DGKB: variants seen among roughly 807,000 people sequenced by gnomAD.
DGKB encodes diacylglycerol kinase beta.
Under a neutral mutation model 114.3 loss-of-function variants are expected in DGKB, and 67 were observed. The observed-to-expected ratio is 0.59, with a 90% CI of 0.48 to 0.72. The LOEUF is 0.72. Among genes scored for constraint, DGKB ranks in the 30% least tolerant of loss-of-function variants. DGKB has a pLI of 0.00. For synonymous variants in DGKB, 398 were observed against 323.1 expected (o/e 1.23, Z -2.49); for missense variants, 907 against 975.2 (o/e 0.93, Z 0.93).
intron 23 of DGKB, among the ~76,000 whole-genome samples, chr7:14,283,389 C>A (rs2128459079): frequency 6.6e-6 from 1 of 151,542 alleles, no homozygotes; most frequent in Middle Eastern, 3.4e-3. Flanking sequence ...GAAGAACATT[C>A]CATGCTCATG....
chr7:14,588,705 A>T (rs553518218), intron 17 of DGKB, among the ~76,000 whole-genome samples: 1 of 152,192 alleles, frequency 6.6e-6, no homozygotes, highest in South Asian at 2.1e-4. Context: ...AGTCCATGAT[A>T]AGTATTATTT....
chr7:14,704,642 T>C (rs1006510691), intron 6 of DGKB, among the ~76,000 whole-genome samples: 1 of 151,952 alleles, frequency 6.6e-6, no homozygotes, highest in African/African-American at 2.4e-5. Context: ...AGACTGCCTC[T>C]TCAAGTGGGT....
intron 1 of DGKB, among the ~76,000 whole-genome samples, chr7:14,955,209 G>A (rs1453764933): frequency 1.3e-5 from 2 of 151,972 alleles, no homozygotes; most frequent in Admixed American, 1.3e-4. Flanking sequence ...CAAATCTAAT[G>A]AAAAATTTAG....
chr7:14,185,638 C>G (rs1017878179), intron 23 of DGKB, among the ~76,000 whole-genome samples: 4 of 152,138 alleles, frequency 2.6e-5, no homozygotes, highest in African/African-American at 9.7e-5. Context: ...CCATAGTCAC[C>G]AAAACAGAAT....
chr7:14,923,098 T>C (rs998383979), intron 1 of DGKB, among the ~76,000 whole-genome samples: 1 of 152,218 alleles, frequency 6.6e-6, no homozygotes, highest in Admixed American at 6.5e-5. Flanking sequence ...GTACACAGTT[T>C]GAAGTTTTAT....
chr7:14,494,865 TAGTCCTACTAATATATAC>T (rs1785080377), intron 20 of DGKB, among the ~76,000 whole-genome samples: 1 of 151,914 alleles, frequency 6.6e-6, no homozygotes, highest in Non-Finnish European at 1.5e-5. Context: ...GACCAGTATC[TAGTCCTACTAATATATAC>T]AATCCACGTG....
chr7:14,567,064 C>A, intron 20 of DGKB, among the ~76,000 whole-genome samples: 1 of 120,162 alleles, frequency 8.3e-6, no homozygotes, highest in East Asian at 2.7e-4. Context: ...ATGAGATGAC[C>A]TGTATATATA....
intron 1 of DGKB, among the ~76,000 whole-genome samples, chr7:14,860,061 C>G (rs905492435): frequency 6.6e-6 from 1 of 152,050 alleles, no homozygotes; most frequent in Non-Finnish European, 1.5e-5. Flanking sequence ...AAAACAGTTT[C>G]TTTAAGCACT....
intron 23 of DGKB, among the ~76,000 whole-genome samples, chr7:14,280,643 C>T (rs1799796176): frequency 6.6e-6 from 1 of 151,406 alleles, no homozygotes; most frequent in East Asian, 2.0e-4. Context: ...GGAAGCCCAT[C>T]AGACTAACAG....
chr7:14,852,486 T>TCAAAAAAAAAAAAAAAA (rs948693044), intron 1 of DGKB, among the ~76,000 whole-genome samples: 3 of 7,778 alleles, frequency 3.9e-4, no homozygotes, highest in African/African-American at 9.6e-4. Context: ...ATAGTGAAAG[T>TCAAAAAAAAAAAAAAAA]CAAAAAAAAA....
At position 14,148,784 on chromosome 7, in the gene DGKB, A is replaced by T; in HGVS notation, c.*347T>A. On this transcript the variant is annotated 3_prime_UTR_variant, in exon 26 of 26. Coordinates refer to ENST00000402815, the MANE Select transcript of DGKB (RefSeq NM_001350709.2). The stretch of plus-strand genomic sequence containing the variant: ...AATCACACTGAGAATCACGTTTCCC[A>T]TGGTATTTCCTTTTTCATGTTTCAC... 1 of 321,630 alleles carries T rather than the reference A, an allele frequency of 3.1e-6. No individual in the cohort carries two copies. The highest frequency in any genetic ancestry group is 3.1e-5 in the South Asian group (1 of 32,034). 19.9% of individuals were successfully genotyped at this position (321,630 alleles called of 1,614,324 possible).
At chr7:14,909,235 G>T (rs185055480) in intron 1 of DGKB, among the ~76,000 whole-genome samples, 1 of 152,014 alleles carries the variant, frequency 6.6e-6, no homozygotes, top group Non-Finnish European at 1.5e-5. Context: ...AAGCCAATTC[G>T]TTTCATCCTA....
chr7:14,729,801 T>C (rs1451209679), intron 5 of DGKB, among the ~76,000 whole-genome samples: 3 of 152,212 alleles, frequency 2.0e-5, no homozygotes, highest in Admixed American at 6.5e-5. Flanking sequence ...TAATTGTTCA[T>C]CTTTTTGCTT....
chr7:14,909,419 T>C (rs921709173), intron 1 of DGKB, among the ~76,000 whole-genome samples: 14 of 152,142 alleles, frequency 9.2e-5, no homozygotes, highest in African/African-American at 2.9e-4. Flanking sequence ...ATATCAATAT[T>C]ATGCACGCAC....
chr7:14,652,286 T>C (rs1421476726), intron 13 of DGKB, among the ~76,000 whole-genome samples: 1 of 152,186 alleles, frequency 6.6e-6, no homozygotes, highest in Non-Finnish European at 1.5e-5. Context: ...AGCACGGTAC[T>C]GGTACCAAAA....
chr7:14,483,734 G>A (rs1783343061), intron 20 of DGKB, among the ~76,000 whole-genome samples: 1 of 152,146 alleles, frequency 6.6e-6, no homozygotes, highest in Non-Finnish European at 1.5e-5. Flanking sequence ...GAGAGAGACA[G>A]AGATTAGACA....
chr7:14,697,983 G>A (rs369960915), intron 8 of DGKB, 112 bp downstream of exon 8: 19 of 631,198 alleles, frequency 3.0e-5, no homozygotes, highest in Non-Finnish European at 4.1e-5. Context: ...GAAAGAAAGA[G>A]AGAGAGAAAG....
chr7:14,463,184 T>C (rs975459921), intron 21 of DGKB, among the ~76,000 whole-genome samples: 1 of 151,322 alleles, frequency 6.6e-6, no homozygotes, highest in Non-Finnish European at 1.5e-5. Flanking sequence ...TAAGTGGGAG[T>C]TGAACAATGA....
rs535358700 is a variant in DGKB at position 14,553,319 on chromosome 7, T to C, written c.1770+20893A>G. ...TTATTGTGTCCCATTCCTAAGAAAA[T>C]GTAGACTAAATGAGAACTGGTTTTC... On this transcript the variant is annotated intron_variant, in intron 20 of 25. Transcript: ENST00000402815. Among the ~76,000 whole-genome samples the C allele has an allele frequency of 1.2e-3, 180 of 152,258 alleles. 1 individual carries two copies. Among genetic ancestry groups the C allele is most frequent in the African/African-American group, 4.1e-3 (172 of 41,562 alleles).
Sources: allele counts gnomAD v4.1 joint callset (sites outside exome capture counted in the v4.1 genomes callset), GRCh38; gene constraint gnomAD v4.1.1; transcripts MANE v1.5; gene names NCBI Gene and HGNC (gene_info 2026-07-23, HGNC 2026-07-21).